SLC9A4: variants seen among roughly 807,000 people sequenced by gnomAD.
SLC9A4 encodes solute carrier family 9 member A4.
In SLC9A4, 63 loss-of-function variants were observed where a neutral mutation model predicts 67.4. The ratio of observed to expected loss-of-function variants is 0.93; its 90% CI spans 0.76 to 1.15. The LOEUF (loss-of-function observed/expected upper bound fraction) is 1.15, where lower values mean the gene tolerates loss of function less well. SLC9A4 is among the 50% of genes most tolerant of loss of function. The pLI, the probability that SLC9A4 is intolerant of heterozygous loss-of-function variation, is 0.00. For synonymous variants in SLC9A4, 393 were observed against 367.2 expected (o/e 1.07, Z -0.80); for missense variants, 1,089 against 987.7 (o/e 1.10, Z -1.38).
chr2:102,497,524 C>T (rs6543150), intron 2 of SLC9A4, among the ~76,000 whole-genome samples: 117,134 of 152,190 alleles, frequency 0.77, 46,186 homozygotes, highest in African/African-American at 0.91. Flanking sequence ...GGACCACTAA[C>T]ACCTGCAACA....
chr2:102,517,443 CA>C (rs951556623), intron 8 of SLC9A4, among the ~76,000 whole-genome samples: 1 of 151,746 alleles, frequency 6.6e-6, no homozygotes, highest in African/African-American at 2.4e-5. Flanking sequence ...AGCAACTGAC[CA>C]AAAGAGAAAA....
chr2:102,507,704 CCCCA>C (rs1685078094), intron 4 of SLC9A4, among the ~76,000 whole-genome samples: 7 of 152,052 alleles, frequency 4.6e-5, no homozygotes, highest in Admixed American at 4.6e-4. Context: ...GCATTTATCC[CCCCA>C]CCCACTCAAC....
At chr2:102,476,396 T>A (rs1684333144) in intron 1 of SLC9A4, among the ~76,000 whole-genome samples, 2 of 152,246 alleles carry the variant, frequency 1.3e-5, no homozygotes, top group Admixed American at 6.5e-5. Context: ...TTGTCCATCA[T>A]GAAAGGGAGA....
chr2:102,486,025 C>A (rs964492210), intron 2 of SLC9A4, among the ~76,000 whole-genome samples: 1 of 152,202 alleles, frequency 6.6e-6, no homozygotes, highest in Non-Finnish European at 1.5e-5. Flanking sequence ...ATGTATCCAG[C>A]CTATTCATTT....
intron 8 of SLC9A4, 54 bp downstream of exon 8, chr2:102,514,305 C>G: frequency 2.2e-6 from 3 of 1,334,884 alleles, no homozygotes; most frequent in Non-Finnish European, 2.1e-6. Context: ...TTCCAAGGGG[C>G]GCTGACTCAT....
At chr2:102,523,984 T>A (rs1326668674) in intron 9 of SLC9A4, among the ~76,000 whole-genome samples, 2 of 152,234 alleles carry the variant, frequency 1.3e-5, no homozygotes, top group Admixed American at 1.3e-4. Context: ...TGACCCCCGA[T>A]GATCCCAGAA....
chr2:102,512,398 T>C, intron 7 of SLC9A4, 125 bp downstream of exon 7: 1 of 975,014 alleles, frequency 1.0e-6, no homozygotes. Context: ...AGCCATCCCC[T>C]ACAGGAAGTG....
In SLC9A4 at chr2:102,503,547, G is replaced by A; in HGVS notation, c.820G>A (p.Gly274Arg). 2.5e-6 allele frequency: 4 copies of A among 1,614,138 alleles called. No homozygotes were observed. Among genetic ancestry groups the A allele is most frequent in the South Asian group, 1.1e-5 (1 of 91,062 alleles). Residue 274 changes from glycine (G) to arginine (R), a missense_variant, in exon 3 of 12, where the codon GGG becomes AGG. Physicochemically the swap from Gly to Arg is moderately radical, Grantham distance 125. Transcript: ENST00000295269. Reference sequence around the variant, plus strand: ...TGGATGTGCCCGATTCATCGTTGTGGGGCTTGGAGGGGTATTGTTTGGCAT... The same window carrying A: ...TGGATGTGCCCGATTCATCGTTGTGAGGCTTGGAGGGGTATTGTTTGGCAT... ...LAGCARFIVV[G>R]LGGVLFGIVF...
At chr2:102,505,519 G>A (rs1288845750) in intron 4 of SLC9A4, 48 bp downstream of exon 4, 1 of 1,567,592 alleles carries the variant, frequency 6.4e-7, no homozygotes, top group East Asian at 2.2e-5. Flanking sequence ...TGCATTTTCA[G>A]TTCTCTTATT....
At chr2:102,509,526 G>A (rs569661065) in intron 6 of SLC9A4, among the ~76,000 whole-genome samples, 6 of 152,312 alleles carry the variant, frequency 3.9e-5, no homozygotes, top group East Asian at 1.9e-4. Flanking sequence ...ACAGTCTGCC[G>A]TCTGTCTCCC....
chr2:102,529,022 T>C (rs1674726662), intron 11 of SLC9A4, among the ~76,000 whole-genome samples: 2 of 152,232 alleles, frequency 1.3e-5, no homozygotes, highest in Admixed American at 1.3e-4. Flanking sequence ...AGGATACGCA[T>C]ATGAACAGGT....
At chr2:102,531,807 C>T (rs572386307) in intron 11 of SLC9A4, among the ~76,000 whole-genome samples, 42 of 152,210 alleles carry the variant, frequency 2.8e-4, no homozygotes, top group Non-Finnish European at 4.0e-4. Context: ...CATCCGGTCA[C>T]GCCCTGGTCT....
intron 2 of SLC9A4, among the ~76,000 whole-genome samples, chr2:102,495,617 C>T (rs182502856): frequency 5.8e-4 from 88 of 151,952 alleles, no homozygotes; most frequent in Non-Finnish European, 1.1e-3. Context: ...TATAATGCCA[C>T]GATAATTATA....
intron 2 of SLC9A4, among the ~76,000 whole-genome samples, chr2:102,493,947 C>T (rs1254374965): frequency 6.6e-6 from 1 of 151,826 alleles, no homozygotes; most frequent in Non-Finnish European, 1.5e-5. Context: ...TACTCTCACC[C>T]CTGAGTAGAA....
At chr2:102,510,302 T>TAGATAC in intron 6 of SLC9A4, among the ~76,000 whole-genome samples, 1 of 150,704 alleles carries the variant, frequency 6.6e-6, no homozygotes, top group South Asian at 2.1e-4. Flanking sequence ...GATATAGATA[T>TAGATAC]AGATATAGGA....
chr2:102,518,139 T>C (rs905060782), intron 8 of SLC9A4, among the ~76,000 whole-genome samples: 1 of 152,212 alleles, frequency 6.6e-6, no homozygotes, highest in African/African-American at 2.4e-5. Flanking sequence ...TTGGGATACC[T>C]GGAGCACCCA....
intron 2 of SLC9A4, among the ~76,000 whole-genome samples, chr2:102,495,773 T>A (rs1273970861): frequency 6.6e-6 from 1 of 152,160 alleles, no homozygotes; most frequent in Non-Finnish European, 1.5e-5. Context: ...AGGCAAAGTC[T>A]GTTCAACAAA....
intron 6 of SLC9A4, 139 bp downstream of exon 6, chr2:102,509,072 G>A: frequency 1.4e-6 from 1 of 729,456 alleles, no homozygotes; most frequent in Non-Finnish European, 2.3e-6. Flanking sequence ...TCCTATGGCT[G>A]CTGTAGGAAA....
intron 7 of SLC9A4, 107 bp from the exon 8 acceptor site, chr2:102,513,983 C>A: frequency 7.0e-7 from 1 of 1,425,896 alleles, no homozygotes; most frequent in Non-Finnish European, 9.3e-7. Context: ...CCTGATGTTT[C>A]TTCAGAATAA....
Sources: allele counts gnomAD v4.1 joint callset (sites outside exome capture counted in the v4.1 genomes callset), GRCh38; gene constraint gnomAD v4.1.1; transcripts MANE v1.5; gene names NCBI Gene and HGNC (gene_info 2026-07-23, HGNC 2026-07-21).